Variants in ZBTB21 observed in about 807,000 individuals in gnomAD.
ZBTB21 encodes the protein zinc finger and BTB domain containing 21.
In ZBTB21, 10 loss-of-function variants were observed where a neutral mutation model predicts 39.8. The observed-to-expected ratio is 0.25, with a 90% confidence interval of 0.16 to 0.43. ZBTB21 has a LOEUF of 0.43. Among genes scored for constraint, ZBTB21 ranks in the 20% least tolerant of loss-of-function variants. The pLI, the probability that ZBTB21 is intolerant of heterozygous loss-of-function variation, is 1.00. For missense variants in ZBTB21, 1,221 were observed against 1,296.3 expected (o/e 0.94, Z 0.89); for synonymous variants, 551 against 498.8 (o/e 1.10, Z -1.40).
intron 2 of ZBTB21, among the ~76,000 whole-genome samples, chr21:41,997,575 C>CAA (rs10709533): frequency 1.4e-4 from 17 of 117,836 alleles, no homozygotes; most frequent in African/African-American, 4.0e-4. Flanking sequence ...GACGTTGTCT[C>CAA]AAAAAAAAAA....
At position 41,993,709 on chromosome 21, in the gene ZBTB21, A is replaced by G. The variant is rs757835156; in HGVS notation, c.387T>C (p.Cys129=). The change falls in exon 3 of 3, where the codon TGT becomes TGC. Residue 129 remains cysteine (C), a synonymous_variant. Coordinates refer to ENST00000310826, the MANE Select transcript of ZBTB21 (RefSeq NM_001098402.2). ...SKTPQAPFPT[C]PNRKKVFVED... ...CTACAAACACTTTTTTTCTATTAGGACACGTTGGAAAGGGGGCTTGAGGTG... is the reference window on the plus strand; with the variant it reads ...CTACAAACACTTTTTTTCTATTAGGGCACGTTGGAAAGGGGGCTTGAGGTG... The G allele has an allele frequency of 8.1e-6, 13 of 1,614,074 alleles. No homozygotes were observed. In the South Asian group the frequency reaches 1.4e-4, roughly 18 times the overall value.
chr21:42,002,495 G>C (rs2065829921), intron 2 of ZBTB21: 1 of 152,154 alleles, frequency 6.6e-6, no homozygotes, highest in Admixed American at 6.5e-5. Flanking sequence ...TGATTTCTCT[G>C]CTCTTCTGCT....
chr21:41,989,244 C>T lies in ZBTB21; in HGVS notation c.*1651G>A, dbSNP rs1266670623. 1.3e-5 allele frequency: 2 copies of T among 150,924 alleles called. No homozygotes were observed. Among genetic ancestry groups the T allele is most frequent in the Non-Finnish European group, 3.0e-5 (2 of 67,400 alleles). The allele number at this position is 150,924 out of a possible 1,614,324, so 9.3% of individuals were successfully genotyped here. A position where few individuals can be genotyped will look rare whatever the true frequency, so the allele number is the denominator to read the frequency against. On this transcript the variant is annotated 3_prime_UTR_variant, in exon 3 of 3. Coordinates refer to ENST00000310826, the MANE Select transcript of ZBTB21 (RefSeq NM_001098402.2). ...TTTCATATATAATATCCATAATGTA[C>T]AAAGTCAATCAGTATTTTATAAAAA...
chr21:41,993,216 C>G lies in ZBTB21; in HGVS notation c.880G>C (p.Glu294Gln), dbSNP rs751692990. Residue 294 changes from glutamate (E) to glutamine (Q), a missense_variant, in exon 3 of 3, where the codon GAA becomes CAA. Transcript: ENST00000310826. The part of the protein sequence containing the change: ...SSSETPYLLK[E>Q]TNKGNGQGED... ...CCTTGACCATTTCCTTTGTTAGTTT[C>G]TTTTAATAGATAGGGAGTCTCTGAT... is the stretch of plus-strand genomic sequence containing the variant. 2 of 1,612,144 alleles carry G rather than the reference C, an allele frequency of 1.2e-6. No homozygotes were observed. The highest frequency in any genetic ancestry group is 2.2e-5 in the South Asian group (2 of 91,078).
At chr21:42,004,742 A>T (rs1391385240) in intron 1 of ZBTB21, among the ~76,000 whole-genome samples, 1 of 152,212 alleles carries the variant, frequency 6.6e-6, no homozygotes, top group Non-Finnish European at 1.5e-5. Flanking sequence ...ACTAGAAAAA[A>T]GAGGGAATGC....
rs2065629680 is a variant in ZBTB21 at position 41,990,011 on chromosome 21, T to C, written c.*884A>G. The C allele has an allele frequency of 6.6e-6, 1 of 152,246 alleles. No homozygotes were observed. The highest frequency in any genetic ancestry group is 2.1e-4 in the South Asian group (1 of 4,834). The allele number at this position is 152,246 out of a possible 1,614,324, so 9.4% of individuals were successfully genotyped here. A position where few individuals can be genotyped will look rare whatever the true frequency, so the allele number is the denominator to read the frequency against. On this transcript the variant is annotated 3_prime_UTR_variant, in exon 3 of 3. Coordinates refer to ENST00000310826, the MANE Select transcript of ZBTB21 (RefSeq NM_001098402.2). ...ATATGGTTAGCTTTGTTTTTTGTCC[T>C]AACTACACTCAGATTTTCAATTTGT... is the stretch of plus-strand genomic sequence containing the variant.
chr21:41,995,755 T>C (rs1016403051), intron 2 of ZBTB21, among the ~76,000 whole-genome samples: 1 of 152,186 alleles, frequency 6.6e-6, no homozygotes, highest in African/African-American at 2.4e-5. Flanking sequence ...CCCAGAGGTC[T>C]AGGAGGAAAA....
rs1413921650 is a variant in ZBTB21, at chr21:41,987,899, G to A, written c.*2996C>T. 6.6e-6 allele frequency: 1 copy of A among 152,138 alleles called. No individual in the cohort carries two copies. Among genetic ancestry groups the A allele is most frequent in the Non-Finnish European group, 1.5e-5 (1 of 68,034 alleles). 9.4% of individuals were successfully genotyped at this position (152,138 alleles called of 1,614,324 possible). ...CAGCTACTCTCATTAGCACCAATGG[G>A]ACTACATATGGATTCAAACGGTCAC... On this transcript the variant is annotated 3_prime_UTR_variant, in exon 3 of 3. Coordinates refer to ENST00000310826, the MANE Select transcript of ZBTB21 (RefSeq NM_001098402.2).
rs769060928 is a variant in ZBTB21, at chr21:41,992,206, TTCTC to T, written c.1886_1889del (p.Arg629LysfsTer6). On this transcript the variant is annotated frameshift_variant, in exon 3 of 3. Coordinates refer to ENST00000310826, the MANE Select transcript of ZBTB21 (RefSeq NM_001098402.2). LOFTEE classifies it high-confidence loss of function. The surrounding 1 kb of genome is among the most constrained non-coding windows in gnomAD (Gnocchi z 4.1). ...ACTTAATGATCAGGGCCTTCTTAAT[TTCTC>T]TCTCTCTCACTATGTCAATCAGCTT... 4 of 1,614,044 alleles carry T rather than the reference TTCTC, an allele frequency of 2.5e-6. No homozygotes were observed. Among genetic ancestry groups the T allele is most frequent in the Non-Finnish European group, 3.4e-6 (4 of 1,179,988 alleles).
At chr21:41,997,437 G>A (rs2065761674) in intron 2 of ZBTB21, among the ~76,000 whole-genome samples, 1 of 151,930 alleles carries the variant, frequency 6.6e-6, no homozygotes, top group Admixed American at 6.6e-5. Flanking sequence ...TTAGCCGAGG[G>A]TGGTGGCATG....
chr21:41,997,144 A>G (rs1349299986), intron 2 of ZBTB21, among the ~76,000 whole-genome samples: 2 of 151,986 alleles, frequency 1.3e-5, no homozygotes, highest in Admixed American at 6.5e-5. Context: ...CTGGTCTCCA[A>G]CTCGTGGGCT....
At chr21:42,006,241 CCT>C (rs2065876829) in intron 1 of ZBTB21, among the ~76,000 whole-genome samples, 1 of 151,882 alleles carries the variant, frequency 6.6e-6, no homozygotes, top group Non-Finnish European at 1.5e-5. Context: ...ATGGTAATAC[CCT>C]GTCTCTACTA....
At chr21:41,996,208 G>GT (rs1224446294) in intron 2 of ZBTB21, among the ~76,000 whole-genome samples, 7 of 152,216 alleles carry the variant, frequency 4.6e-5, no homozygotes, top group Non-Finnish European at 8.8e-5. Context: ...TGGTAGATAC[G>GT]TCGACAGCTG....
In ZBTB21 at chr21:41,991,062, T is replaced by A. The variant is rs142014954; in HGVS notation, c.3034A>T (p.Thr1012Ser). 5.0e-6 allele frequency: 8 copies of A among 1,591,386 alleles called. No individual in the cohort carries two copies. In the African/African-American group the frequency reaches 1.1e-4, roughly 22 times the overall value. ...ACAAACAGTTTTTCTGTGGCTGGAG[T>A]TGGGTTTTCGGACAGGCCTGTGGGG... The part of the protein sequence containing the change: ...DSPTGLSENP[T>S]PATEKLFVPQ... Residue 1012 changes from threonine (T) to serine (S), a missense_variant, in exon 3 of 3, where the codon ACT (threonine) becomes TCT (serine). By Grantham distance (58) the Thr-to-Ser change is moderately conservative. Transcript: ENST00000310826. The surrounding 1 kb of genome is among the most constrained non-coding windows in gnomAD (Gnocchi z 4.9).
Position 41,991,641 on chromosome 21 carries a change from C to G in ZBTB21, c.2455G>C (p.Asp819His), listed in dbSNP as rs770744034. The G allele has an allele frequency of 1.2e-6, 2 of 1,614,064 alleles. No homozygotes were observed. Among genetic ancestry groups the G allele is most frequent in the African/African-American group, 2.7e-5 (2 of 74,920 alleles). Residue 819 changes from aspartate (D) to histidine (H), a missense_variant, in exon 3 of 3, where the codon GAT becomes CAT. Transcript: ENST00000310826. The surrounding 1 kb of genome is among the most constrained non-coding windows in gnomAD (Gnocchi z 4.9). ...TGGGGCCTTGAAGAACCAGTCACAT[C>G]ACCATTGTGGTCCAAAACGGGCAAA... Reference protein sequence around the residue: ...FSLPVLDHNGDVTGSSRPQSQ... With the variant: ...FSLPVLDHNGHVTGSSRPQSQ...
chr21:41,996,201 T>C (rs1046113469), intron 2 of ZBTB21, among the ~76,000 whole-genome samples: 1 of 152,160 alleles, frequency 6.6e-6, no homozygotes, highest in African/African-American at 2.4e-5. Flanking sequence ...TCCAGAATGG[T>C]AGATACGTCG....
chr21:41,991,884 C>T lies in ZBTB21; in HGVS notation c.2212G>A (p.Gly738Arg), dbSNP rs1372553865. The change falls in exon 3 of 3, where the codon GGA (glycine) becomes AGA (arginine). Residue 738 changes from glycine (G) to arginine (R), a missense_variant. Coordinates refer to ENST00000310826, the MANE Select transcript of ZBTB21 (RefSeq NM_001098402.2). The surrounding 1 kb of genome is among the most constrained non-coding windows in gnomAD (Gnocchi z 4.9). Reference sequence around the variant, plus strand: ...TTCCGGCACAGCCGCTCGTGGCTTCCTTGCTCTAGGAGAGAAGAGAGCTTA... The same window carrying T: ...TTCCGGCACAGCCGCTCGTGGCTTCTTTGCTCTAGGAGAGAAGAGAGCTTA... ...NAKLSSLLEQ[G>R]SHERLCRNAA... 1 of 1,614,156 alleles carries T rather than the reference C, an allele frequency of 6.2e-7. No homozygotes were observed. Among genetic ancestry groups the T allele is most frequent in the Non-Finnish European group, 8.5e-7 (1 of 1,180,042 alleles).
chr21:41,990,793 T>C lies in ZBTB21; in HGVS notation c.*102A>G. 1 of 1,190,328 alleles carries C rather than the reference T, an allele frequency of 8.4e-7. No individual in the cohort carries two copies. Among genetic ancestry groups the C allele is most frequent in the Middle Eastern group, 2.0e-4 (1 of 4,906 alleles). The allele number at this position is 1,190,328 out of a possible 1,614,324, so 73.7% of individuals were successfully genotyped here. A position where few individuals can be genotyped will look rare whatever the true frequency, so the allele number is the denominator to read the frequency against. On this transcript the variant is annotated 3_prime_UTR_variant, in exon 3 of 3. Transcript: ENST00000310826. ...ATTTCAAGCGTAACAATCTCCAACC[T>C]TTATTATTCTTGTTTAAAAAATATT...
chr21:41,993,222 A>C lies in ZBTB21; in HGVS notation c.874T>G (p.Leu292Val), dbSNP rs770229750. 1.2e-6 allele frequency: 2 copies of C among 1,611,952 alleles called. No homozygotes were observed. Among genetic ancestry groups the C allele is most frequent in the African/African-American group, 1.3e-5 (1 of 75,040 alleles). The change falls in exon 3 of 3, where the codon TTA (leucine) becomes GTA (valine). Residue 292 changes from leucine to valine, a missense_variant. Leu to Val is a conservative substitution (Grantham distance 32). Transcript: ENST00000310826. ...CCATTTCCTTTGTTAGTTTCTTTTAATAGATAGGGAGTCTCTGATGAGCTA... is the reference window on the plus strand; with the variant it reads ...CCATTTCCTTTGTTAGTTTCTTTTACTAGATAGGGAGTCTCTGATGAGCTA... The part of the protein sequence containing the change: ...VCSSSETPYL[L>V]KETNKGNGQG...
Sources: allele counts gnomAD v4.1 joint callset (sites outside exome capture counted in the v4.1 genomes callset), GRCh38; gene constraint gnomAD v4.1.1; non-coding constraint Gnocchi (gnomAD v3.1); transcripts MANE v1.5; gene names NCBI Gene and HGNC (gene_info 2026-07-23, HGNC 2026-07-21).